Variants in DHTKD1 observed in about 807,000 individuals in gnomAD.
The protein encoded by DHTKD1 is dehydrogenase E1 and transketolase domain containing 1, also known as 2-oxoadipate dehydrogenase complex component E1.
A neutral mutation model predicts 101.8 loss-of-function variants in DHTKD1; 78 were observed. The observed-to-expected ratio is 0.77, with a 90% CI of 0.64 to 0.93. The LOEUF (loss-of-function observed/expected upper bound fraction) is 0.93, where lower values mean the gene tolerates loss of function less well. DHTKD1 is among the 40% of genes least tolerant of loss of function. The probability of loss-of-function intolerance (pLI) is 0.00; values close to 1 mark genes in which losing one functional copy is unlikely to be tolerated. For synonymous variants in DHTKD1, 462 were observed against 450.3 expected, an observed-to-expected ratio of 1.03 and a Z score of -0.33; for missense variants, 1,223 against 1,161.7, an observed-to-expected ratio of 1.05 and a Z score of -0.77.
rs1281047549 is a variant in DHTKD1, at chr10:12,087,121, T to C, written c.523-414T>C. ...TCTGCTGGGGCTGTGACCAGGACTC[T>C]GGAATGTCAAGATGGCAAGAAGCCC... On this transcript the variant is annotated intron_variant, in intron 3 of 16. Coordinates refer to ENST00000263035, the MANE Select transcript of DHTKD1 (RefSeq NM_018706.7). The surrounding 1 kb of genome is among the most constrained non-coding windows in gnomAD (Gnocchi z 5.2). Among the ~76,000 whole-genome samples the C allele has an allele frequency of 6.6e-6, 1 of 152,188 alleles. No individual in the cohort carries two copies. Among genetic ancestry groups the C allele is most frequent in the East Asian group, 1.9e-4 (1 of 5,200 alleles).
chr10:12,094,405 C>T (rs1385230777), intron 7 of DHTKD1, 134 bp downstream of exon 7: 3 of 762,096 alleles, frequency 3.9e-6, no homozygotes, highest in African/African-American at 1.7e-5. Context: ...GCCATCTCCA[C>T]CTCCCGGGTT....
At chr10:12,104,528 TA>T (rs779649473) in intron 10 of DHTKD1, among the ~76,000 whole-genome samples, 7 of 152,206 alleles carry the variant, frequency 4.6e-5, no homozygotes, top group Admixed American at 1.3e-4. Flanking sequence ...CTTAAACATA[TA>T]TTTTTTTAAA....
intron 6 of DHTKD1, among the ~76,000 whole-genome samples, chr10:12,091,973 T>A: frequency 7.5e-6 from 1 of 133,326 alleles, no homozygotes; most frequent in East Asian, 2.2e-4. Context: ...TCTGGCTAAT[T>A]TTTTTTTTTT....
chr10:12,072,484 TAAA>T (rs1206966408), intron 1 of DHTKD1, among the ~76,000 whole-genome samples: 1 of 47,284 alleles, frequency 2.1e-5, no homozygotes, highest in Non-Finnish European at 6.7e-5. Context: ...AATAAATAAA[TAAA>T]TAAATAAATA....
At position 12,112,921 on chromosome 10, in the gene DHTKD1, G is replaced by C. The variant is rs763086542; in HGVS notation, c.2176G>C (p.Gly726Arg). The change falls in exon 13 of 17, where the codon GGG (glycine) becomes CGG (arginine). Residue 726 changes from glycine to arginine, a missense_variant. Transcript: ENST00000263035. ...FLQMCDSAEE[G>R]VDGDTVNMFV... ...CCAGATGTGTGACAGTGCGGAAGAG[G>C]GGGTGGACGGAGACACTGTGAACAT... The C allele has an allele frequency of 3.7e-6, 6 of 1,609,954 alleles. No individual in the cohort carries two copies. Among genetic ancestry groups the C allele is most frequent in the Admixed American group, 3.4e-5 (2 of 59,250 alleles).
At position 12,120,889 on chromosome 10, in the gene DHTKD1, T is replaced by G. The variant is rs1340627888; in HGVS notation, c.*1T>G. The G allele has an allele frequency of 6.2e-7, 1 of 1,613,352 alleles. No homozygotes were observed. Among genetic ancestry groups the G allele is most frequent in the Non-Finnish European group, 8.5e-7 (1 of 1,179,500 alleles). On this transcript the variant is annotated 3_prime_UTR_variant, in exon 17 of 17. Transcript: ENST00000263035. Reference sequence around the variant, plus strand: ...TATCCTCGCCAAGACCTTCGCTTGATGATGACTTTTGAAGAAACACTATTT... The same window carrying G: ...TATCCTCGCCAAGACCTTCGCTTGAGGATGACTTTTGAAGAAACACTATTT...
chr10:12,083,041 T>C (rs760560838), intron 2 of DHTKD1, among the ~76,000 whole-genome samples: 14 of 151,374 alleles, frequency 9.2e-5, no homozygotes, highest in Non-Finnish European at 1.8e-4. Flanking sequence ...CTCGGGAGGC[T>C]GAGGCAAAAA....
intron 14 of DHTKD1, among the ~76,000 whole-genome samples, chr10:12,118,530 C>T (rs1833457761): frequency 1.3e-5 from 2 of 151,984 alleles, no homozygotes; most frequent in South Asian, 2.1e-4. Flanking sequence ...CTACAGGTGC[C>T]CGCCAGTACG....
intron 1 of DHTKD1, among the ~76,000 whole-genome samples, chr10:12,069,918 A>T (rs1159235628): frequency 6.6e-6 from 1 of 152,008 alleles, no homozygotes; most frequent in Non-Finnish European, 1.5e-5. Flanking sequence ...TTCCAGGACC[A>T]TCTCTGAGGC....
chr10:12,119,014 A>T (rs1193463228), intron 15 of DHTKD1, 96 bp downstream of exon 15: 1 of 1,297,636 alleles, frequency 7.7e-7, no homozygotes, highest in East Asian at 2.7e-5. Flanking sequence ...TTATTAGAAA[A>T]TTGAATCTTG....
rs1442298421 is a variant in DHTKD1 at position 12,120,353 on chromosome 10, A to G, written c.2658+86A>G. The G allele has an allele frequency of 4.5e-6, 5 of 1,106,800 alleles. No individual in the cohort carries two copies. The South Asian group carries it at 5.5e-5, about 12-fold the overall frequency. The allele number at this position is 1,106,800 out of a possible 1,614,324, so 68.6% of individuals were successfully genotyped here. A position where few individuals can be genotyped will look rare whatever the true frequency, so the allele number is the denominator to read the frequency against. The stretch of plus-strand genomic sequence containing the variant: ...TTTCTTTCTTTCTTTTTTTTTTTTG[A>G]GACAGAGTCTCACTCTGTTGCCCAG... On this transcript the variant is annotated intron_variant, in intron 16 of 16. Transcript: ENST00000263035.
rs1833442782 is a variant in DHTKD1 at position 12,117,709 on chromosome 10, A to G, written c.2356A>G (p.Thr786Ala). ...VSTLQEMAPGTTFNPVIGDSS... is the reference protein window; with the variant it reads ...VSTLQEMAPGATFNPVIGDSS... ...AACTCTTCAAGAAATGGCACCAGGA[A>G]CAACATTTAACCCGGTCATTGGTGA... The change falls in exon 14 of 17, where the codon ACA becomes GCA. Residue 786 changes from threonine (T) to alanine (A), a missense_variant. Transcript: ENST00000263035. The G allele has an allele frequency of 1.9e-6, 3 of 1,608,302 alleles. No homozygotes were observed. The highest frequency in any genetic ancestry group is 1.1e-5 in the South Asian group (1 of 90,112).
intron 1 of DHTKD1, among the ~76,000 whole-genome samples, chr10:12,073,339 A>C (rs1034260748): frequency 3.3e-5 from 5 of 151,460 alleles, no homozygotes; most frequent in African/African-American, 1.2e-4. Context: ...AGTCCATGAA[A>C]ATATTAGCTC....
Position 12,120,222 on chromosome 10 carries a change from G to T in DHTKD1, c.2613G>T (p.Pro871=). ...WSQEEPQNMG[P]WSFVSPRFEK... ...AGGAGGAACCTCAGAACATGGGTCC[G>T]TGGTCGTTTGTTTCTCCAAGGTTTG... The change falls in exon 16 of 17, where the codon CCG becomes CCT. Residue 871 remains proline (P), a synonymous_variant. Coordinates refer to ENST00000263035, the MANE Select transcript of DHTKD1 (RefSeq NM_018706.7). The T allele has an allele frequency of 6.2e-7, 1 of 1,613,986 alleles. No homozygotes were observed.
chr10:12,105,298 T>C (rs780588855), intron 10 of DHTKD1, among the ~76,000 whole-genome samples: 4 of 152,158 alleles, frequency 2.6e-5, no homozygotes, highest in Non-Finnish European at 5.9e-5. Context: ...TTTTTAACTT[T>C]CCTCACTTTG....
rs901416206 is a variant in DHTKD1 at position 12,112,909 on chromosome 10, A to G, written c.2164A>G (p.Ser722Gly). 1.6e-5 allele frequency: 25 copies of G among 1,604,140 alleles called. No homozygotes were observed. Among genetic ancestry groups the G allele is most frequent in the Non-Finnish European group, 2.0e-5 (24 of 1,175,974 alleles). Residue 722 changes from serine (S) to glycine (G), a missense_variant, in exon 13 of 17, where the codon AGT (serine) becomes GGT (glycine). Physicochemically the swap from Ser to Gly is moderately conservative, Grantham distance 56 (BLOSUM62 0). Coordinates refer to ENST00000263035, the MANE Select transcript of DHTKD1 (RefSeq NM_018706.7). Reference sequence around the variant, plus strand: ...GCCACTTCTCTCCCAGATGTGTGACAGTGCGGAAGAGGGGGTGGACGGAGA... The same window carrying G: ...GCCACTTCTCTCCCAGATGTGTGACGGTGCGGAAGAGGGGGTGGACGGAGA... Reference protein sequence around the residue: ...RIERFLQMCDSAEEGVDGDTV... With the variant: ...RIERFLQMCDGAEEGVDGDTV...
chr10:12,084,926 C>T (rs1832875818), intron 3 of DHTKD1, among the ~76,000 whole-genome samples, 175 bp downstream of exon 3: 1 of 152,076 alleles, frequency 6.6e-6, no homozygotes, highest in South Asian at 2.1e-4. Flanking sequence ...TGGTGCATGC[C>T]TGTAATCCTA....
At position 12,100,159 on chromosome 10, in the gene DHTKD1, C is replaced by T; in HGVS notation, c.1672-19C>T. 6.8e-7 allele frequency: 1 copy of T among 1,474,888 alleles called. No individual in the cohort carries two copies. Among genetic ancestry groups the T allele is most frequent in the South Asian group, 1.2e-5 (1 of 80,022 alleles). 91.4% of individuals were successfully genotyped at this position (1,474,888 alleles called of 1,614,324 possible). The stretch of plus-strand genomic sequence containing the variant: ...GGACTCTTAGACGTTCCTTTTTTTT[C>T]TTCCTCTGAATTTTACAGTCCAGAA... On this transcript the variant is annotated intron_variant, in intron 8 of 16. Coordinates refer to ENST00000263035, the MANE Select transcript of DHTKD1 (RefSeq NM_018706.7).
rs1833201004 is a variant in DHTKD1, at chr10:12,103,487, CAATCTG to C, written c.1896+2307_1896+2312del. 9.9e-6 allele frequency among the ~76,000 whole-genome samples: 1 copy of C among 100,594 alleles called. No individual in the cohort carries two copies. The highest frequency in any genetic ancestry group is 3.4e-5 in the African/African-American group (1 of 29,070). The allele number at this position is 100,594 out of a possible 152,430, so 66.0% of individuals were successfully genotyped here. A position where few individuals can be genotyped will look rare whatever the true frequency, so the allele number is the denominator to read the frequency against. On this transcript the variant is annotated intron_variant, in intron 10 of 16. Coordinates refer to ENST00000263035, the MANE Select transcript of DHTKD1 (RefSeq NM_018706.7). The surrounding 1 kb of genome is among the most constrained non-coding windows in gnomAD (Gnocchi z 4.8). ...TTTCCCCCAACTTCGTTGTACATCT[CAATCTG>C]TGTGTGTGTGTGTGTGTGTGTGTGT... is the stretch of plus-strand genomic sequence containing the variant.
Sources: gnomAD v4.1 joint callset for allele counts (sites outside exome capture counted in the v4.1 genomes callset) on GRCh38, gnomAD v4.1.1 for gene constraint, Gnocchi (gnomAD v3.1) non-coding constraint, MANE v1.5 for transcripts, NCBI Gene and HGNC (gene_info 2026-07-23, HGNC 2026-07-21) for gene names.